Variants in DIAPH3 observed in about 807,000 individuals in gnomAD.
DIAPH3 encodes protein diaphanous homolog 3.
A neutral mutation model predicts 144.3 loss-of-function variants in DIAPH3; 117 were observed. The ratio of observed to expected loss-of-function variants is 0.81; its 90% confidence interval spans 0.70 to 0.95. The LOEUF (loss-of-function observed/expected upper bound fraction) is 0.95, where lower values mean the gene tolerates loss of function less well. DIAPH3 is among the 40% of genes least tolerant of loss of function. The pLI is 0.00. For missense variants in DIAPH3, 1,421 were observed against 1,412.7 expected (o/e 1.01, Z -0.09); for synonymous variants, 519 against 488.9 (o/e 1.06, Z -0.81).
At chr13:59,853,798 T>C (rs1057298574) in intron 22 of DIAPH3, among the ~76,000 whole-genome samples, 1 of 152,306 alleles carries the variant, frequency 6.6e-6, no homozygotes, top group African/African-American at 2.4e-5. Flanking sequence ...ACAATAACTT[T>C]AAAAACCAAA....
At chr13:59,987,092 T>C (rs1205697280) in intron 12 of DIAPH3, among the ~76,000 whole-genome samples, 3 of 151,926 alleles carry the variant, frequency 2.0e-5, no homozygotes, top group African/African-American at 4.8e-5. Flanking sequence ...CCAACAATGA[T>C]AGACTGGATT....
At chr13:59,987,338 G>A (rs1050108401) in intron 12 of DIAPH3, among the ~76,000 whole-genome samples, 1 of 150,602 alleles carries the variant, frequency 6.6e-6, no homozygotes, top group Non-Finnish European at 1.5e-5. Flanking sequence ...GGTGGGGGGA[G>A]TGGGGAGGGA....
chr13:59,788,827 C>T (rs1434882912), intron 25 of DIAPH3, among the ~76,000 whole-genome samples: 2 of 152,194 alleles, frequency 1.3e-5, no homozygotes, highest in Admixed American at 6.5e-5. Flanking sequence ...ACAGAGCCAG[C>T]AATGGGTTTT....
chr13:59,774,351 CA>C, intron 26 of DIAPH3, 103 bp from the exon 27 acceptor site: 1 of 956,788 alleles, frequency 1.0e-6, no homozygotes, highest in Non-Finnish European at 1.6e-6. Context: ...GTATTTCTGG[CA>C]GCAAAGTAAT....
intron 5 of DIAPH3, among the ~76,000 whole-genome samples, chr13:60,040,053 T>C (rs118152087): frequency 0.014 from 2,176 of 151,822 alleles, 25 homozygotes; most frequent in Admixed American, 0.02. Context: ...CTGGCCAATA[T>C]GGTGAGGCCT....
intron 25 of DIAPH3, among the ~76,000 whole-genome samples, chr13:59,810,565 G>A (rs2040421505): frequency 6.6e-6 from 1 of 152,150 alleles, no homozygotes; most frequent in Non-Finnish European, 1.5e-5. Flanking sequence ...CAGCATAACA[G>A]AGGACCAAAT....
intron 21 of DIAPH3, among the ~76,000 whole-genome samples, chr13:59,872,263 G>T (rs1293214360): frequency 6.6e-6 from 1 of 152,064 alleles, no homozygotes; most frequent in African/African-American, 2.4e-5. Context: ...AACTTTATAA[G>T]TTGTATTTTC....
intron 4 of DIAPH3, among the ~76,000 whole-genome samples, chr13:60,068,182 T>C (rs1029790114): frequency 6.6e-6 from 1 of 152,356 alleles, no homozygotes; most frequent in Middle Eastern, 3.4e-3. Flanking sequence ...TTTGTGCATA[T>C]GTGCTCATCT....
chr13:59,984,273 TAAAC>T (rs2051232374), intron 12 of DIAPH3, among the ~76,000 whole-genome samples: 1 of 151,634 alleles, frequency 6.6e-6, no homozygotes, highest in Admixed American at 6.6e-5. Flanking sequence ...ACAACCAAAA[TAAAC>T]AAAAATTTTC....
intron 27 of DIAPH3, among the ~76,000 whole-genome samples, chr13:59,723,713 C>T (rs1191290774): frequency 1.3e-5 from 2 of 151,822 alleles, no homozygotes; most frequent in Non-Finnish European, 2.9e-5. Context: ...TGGGTTCAAG[C>T]AATTCTCCTG....
At chr13:60,146,039 T>C (rs1594776970) in intron 1 of DIAPH3, among the ~76,000 whole-genome samples, 1 of 64,124 alleles carries the variant, frequency 1.6e-5, no homozygotes, top group East Asian at 3.1e-4. Flanking sequence ...TTGTATAATT[T>C]AATACTACTT....
intron 4 of DIAPH3, among the ~76,000 whole-genome samples, chr13:60,069,532 C>T (rs2057115231): frequency 6.6e-6 from 1 of 151,884 alleles, no homozygotes; most frequent in African/African-American, 2.4e-5. Context: ...TTTGGAGTCT[C>T]CATCGTAAAA....
At chr13:59,941,765 C>A (rs1305994515) in intron 17 of DIAPH3, among the ~76,000 whole-genome samples, 1 of 152,010 alleles carries the variant, frequency 6.6e-6, no homozygotes, top group Non-Finnish European at 1.5e-5. Context: ...GATATAAAAT[C>A]CCCTGCAACT....
In DIAPH3 at chr13:59,774,015, T is replaced by C. The variant is rs574854988; in HGVS notation, c.3319+174A>G. Reference sequence around the variant, plus strand: ...CTAAGACACAACCTCAAGGCAATAATATAAGGATGAAAAATACGAGTACGC... The same window carrying C: ...CTAAGACACAACCTCAAGGCAATAACATAAGGATGAAAAATACGAGTACGC... On this transcript the variant is annotated intron_variant, in intron 27 of 27. Transcript: ENST00000400324. 175 of 534,514 alleles carry C rather than the reference T, an allele frequency of 3.3e-4. 1 individual carries two copies. The East Asian group carries it at 4.4e-3, about 13-fold the overall frequency. The allele number at this position is 534,514 out of a possible 1,614,324, so 33.1% of individuals were successfully genotyped here.
At position 59,666,729 on chromosome 13, in the gene DIAPH3, G is replaced by GT. The variant is rs770927683; in HGVS notation, c.3436dup (p.Thr1146AsnfsTer8). 2.5e-6 allele frequency: 4 copies of GT among 1,614,090 alleles called. No individual in the cohort carries two copies. In the South Asian group the frequency reaches 4.4e-5, roughly 18 times the overall value. On this transcript the variant is annotated frameshift_variant, in exon 28 of 28. Coordinates refer to ENST00000400324, the MANE Select transcript of DIAPH3 (RefSeq NM_001042517.2). LOFTEE classifies it high-confidence loss of function. ...CTTCTCAGCTGCCTTGATCCTCCCAGTAGACGTATGAGTGTCTAGATTATA... is the reference window on the plus strand; with the variant it reads ...CTTCTCAGCTGCCTTGATCCTCCCAGTTAGACGTATGAGTGTCTAGATTATA...
At chr13:59,800,566 T>C (rs145555882) in intron 25 of DIAPH3, among the ~76,000 whole-genome samples, 12 of 152,216 alleles carry the variant, frequency 7.9e-5, no homozygotes, top group Non-Finnish European at 1.8e-4. Context: ...AGACATTTTA[T>C]GCTCAATCTC....
intron 25 of DIAPH3, among the ~76,000 whole-genome samples, chr13:59,810,181 A>G (rs1593509755): frequency 6.6e-6 from 1 of 152,040 alleles, no homozygotes; most frequent in East Asian, 1.9e-4. Flanking sequence ...TTTTTTTGAA[A>G]CAAAATCTCA....
At chr13:59,702,785 C>T (rs560511663) in intron 27 of DIAPH3, among the ~76,000 whole-genome samples, 6 of 152,142 alleles carry the variant, frequency 3.9e-5, no homozygotes, top group Non-Finnish European at 8.8e-5. Context: ...CTTCTCTGAC[C>T]TAATCTCCTA....
intron 27 of DIAPH3, among the ~76,000 whole-genome samples, chr13:59,668,520 C>A (rs1158979573): frequency 6.6e-6 from 1 of 152,022 alleles, no homozygotes; most frequent in African/African-American, 2.4e-5. Context: ...TGTGTGTGTG[C>A]GTGTGTGCGC....
Sources: allele counts gnomAD v4.1 joint callset (sites outside exome capture counted in the v4.1 genomes callset), GRCh38; gene constraint gnomAD v4.1.1; transcripts MANE v1.5; gene names NCBI Gene and HGNC (gene_info 2026-07-23, HGNC 2026-07-21).